Variants in ANKS1B observed in about 807,000 individuals in gnomAD.
ANKS1B encodes ankyrin repeat and sterile alpha motif domain-containing protein 1B.
ANKS1B carries 36 observed loss-of-function variants against 148.3 expected under a neutral mutation model. The observed-to-expected ratio is 0.24, with a 90% CI of 0.19 to 0.32. The LOEUF is 0.32. ANKS1B is among the 10% of genes least tolerant of loss of function. The pLI, the probability that ANKS1B is intolerant of heterozygous loss-of-function variation, is 1.00. For synonymous variants in ANKS1B, 542 were observed against 560.8 expected (o/e 0.97, Z 0.47); for missense variants, 1,157 against 1,542.6 (o/e 0.75, Z 4.19).
chr12:99,899,335 C>G (rs2093501646), intron 1 of ANKS1B, among the ~76,000 whole-genome samples: 1 of 152,192 alleles, frequency 6.6e-6, no homozygotes, highest in African/African-American at 2.4e-5. Context: ...AAAATTACAA[C>G]TCGATTCTTC....
At chr12:99,660,530 T>C (rs2098472179) in intron 8 of ANKS1B, among the ~76,000 whole-genome samples, 1 of 151,640 alleles carries the variant, frequency 6.6e-6, no homozygotes, top group Non-Finnish European at 1.5e-5. Context: ...CACCTAATTT[T>C]TTGTATTTTT....
Position 99,812,327 on chromosome 12 carries a change from C to A in ANKS1B, c.216-16G>T. On this transcript the variant is annotated splice_polypyrimidine_tract_variant and intron_variant, in intron 2 of 26. Coordinates refer to ENST00000683438, the MANE Select transcript of ANKS1B (RefSeq NM_001352186.2). ...AACTATGTCCCTAAAAAGGAAAAAA[C>A]AACAACAACAAAATAGGCTGAGCAA... 6.2e-7 allele frequency: 1 copy of A among 1,604,406 alleles called. No individual in the cohort carries two copies. Among genetic ancestry groups the A allele is most frequent in the Non-Finnish European group, 8.5e-7 (1 of 1,174,962 alleles).
At chr12:99,633,128 T>C (rs903288197) in intron 9 of ANKS1B, among the ~76,000 whole-genome samples, 4 of 151,900 alleles carry the variant, frequency 2.6e-5, no homozygotes, top group Admixed American at 2.6e-4. Context: ...ATGGTGTATA[T>C]GTGCCACATT....
chr12:99,580,104 A>G (rs529419150), intron 9 of ANKS1B, among the ~76,000 whole-genome samples: 6 of 152,264 alleles, frequency 3.9e-5, no homozygotes, highest in Admixed American at 6.5e-5. Flanking sequence ...GGAACAGAAA[A>G]CCAAATACCA....
intron 14 of ANKS1B, among the ~76,000 whole-genome samples, chr12:99,228,156 T>G (rs1342537021): frequency 6.6e-6 from 1 of 152,040 alleles, no homozygotes; most frequent in Non-Finnish European, 1.5e-5. Context: ...ATGAGGAAAT[T>G]GAGGGTTATT....
intron 1 of ANKS1B, among the ~76,000 whole-genome samples, chr12:99,869,062 A>G (rs1417273848): frequency 6.6e-6 from 1 of 152,194 alleles, no homozygotes; most frequent in African/African-American, 2.4e-5. Context: ...GTCTCAAAAA[A>G]TAAATAAATA....
intron 1 of ANKS1B, among the ~76,000 whole-genome samples, chr12:99,903,902 A>T (rs1027850079): frequency 3.8e-4 from 58 of 152,270 alleles, no homozygotes; most frequent in African/African-American, 1.2e-3. Flanking sequence ...TAAAAATAAA[A>T]AAAAATAAAA....
At chr12:99,548,132 T>C (rs1328146643) in intron 9 of ANKS1B, among the ~76,000 whole-genome samples, 1 of 152,212 alleles carries the variant, frequency 6.6e-6, no homozygotes, top group Non-Finnish European at 1.5e-5. Context: ...TTGGTCCACC[T>C]TTCCCTAATT....
intron 8 of ANKS1B, among the ~76,000 whole-genome samples, chr12:99,659,404 A>T (rs1158960930): frequency 7.9e-5 from 2 of 25,272 alleles, no homozygotes; most frequent in Admixed American, 4.2e-4. Context: ...ATTCTACTAT[A>T]AAAAAAAATA....
At chr12:99,303,839 T>G (rs1328276193) in intron 12 of ANKS1B, among the ~76,000 whole-genome samples, 1 of 152,118 alleles carries the variant, frequency 6.6e-6, no homozygotes, top group Non-Finnish European at 1.5e-5. Context: ...CATTTGCATC[T>G]TCATAGCTTA....
intron 1 of ANKS1B, among the ~76,000 whole-genome samples, chr12:99,952,058 T>C (rs2095234820): frequency 6.6e-6 from 1 of 152,192 alleles, no homozygotes. Flanking sequence ...CATAAATATG[T>C]ACAATTATAT....
chr12:99,388,945 A>G (rs2152540240), intron 12 of ANKS1B, among the ~76,000 whole-genome samples: 1 of 152,328 alleles, frequency 6.6e-6, no homozygotes, highest in Non-Finnish European at 1.5e-5. Context: ...CATCTGCACA[A>G]TCCATTCACC....
At chr12:99,315,110 G>A (rs760288987) in intron 12 of ANKS1B, among the ~76,000 whole-genome samples, 5 of 151,800 alleles carry the variant, frequency 3.3e-5, no homozygotes, top group Non-Finnish European at 5.9e-5. Context: ...GGGCGTGGTG[G>A]TGCATGCCTG....
intron 9 of ANKS1B, among the ~76,000 whole-genome samples, chr12:99,591,871 C>A (rs1210990173): frequency 6.6e-6 from 1 of 152,178 alleles, no homozygotes; most frequent in African/African-American, 2.4e-5. Context: ...TATAGACCCT[C>A]ACATCTAGAG....
At chr12:99,758,009 G>A (rs2061728562) in intron 8 of ANKS1B, among the ~76,000 whole-genome samples, 1 of 151,852 alleles carries the variant, frequency 6.6e-6, no homozygotes, top group Non-Finnish European at 1.5e-5. Context: ...GCTGAGTTAT[G>A]AAATAATCTA....
At chr12:99,673,083 G>GAAC (rs1352011149) in intron 8 of ANKS1B, among the ~76,000 whole-genome samples, 1 of 152,012 alleles carries the variant, frequency 6.6e-6, no homozygotes, top group African/African-American at 2.4e-5. Flanking sequence ...AAGAAATCAA[G>GAAC]AACACTGATC....
chr12:99,328,399 TG>T (rs1375636587), intron 12 of ANKS1B, among the ~76,000 whole-genome samples: 7 of 151,842 alleles, frequency 4.6e-5, no homozygotes, highest in Non-Finnish European at 8.8e-5. Context: ...AACCCAACAC[TG>T]GGGGAAAAAA....
chr12:99,117,507 T>C (rs981868118), intron 15 of ANKS1B, among the ~76,000 whole-genome samples: 1 of 152,198 alleles, frequency 6.6e-6, no homozygotes, highest in Non-Finnish European at 1.5e-5. Context: ...GTTTATTGAT[T>C]TGTGTATGTT....
intron 9 of ANKS1B, among the ~76,000 whole-genome samples, chr12:99,583,635 T>A (rs2153229891): frequency 6.6e-6 from 1 of 152,278 alleles, no homozygotes; most frequent in Admixed American, 6.5e-5. Context: ...CAAAGATAAA[T>A]TCAGGGTGCT....
Sources: allele counts gnomAD v4.1 joint callset (sites outside exome capture counted in the v4.1 genomes callset), GRCh38; gene constraint gnomAD v4.1.1; transcripts MANE v1.5; gene names NCBI Gene and HGNC (gene_info 2026-07-23, HGNC 2026-07-21).